The following ADGRV1 variants were observed in gnomAD, a reference collection of about 807,000 sequenced individuals.
ADGRV1 encodes adhesion G protein-coupled receptor V1.
In ADGRV1, 359 loss-of-function variants were observed where a neutral mutation model predicts 596.2. That is an observed-to-expected ratio of 0.60 (90% CI 0.55 to 0.66). The LOEUF is 0.66. ADGRV1 is among the 30% of genes least tolerant of loss of function. The pLI is 0.00. For missense variants in ADGRV1, 7,274 were observed against 7,575.6 expected (o/e 0.96, Z 1.48); for synonymous variants, 2,681 against 2,679.2 (o/e 1.00, Z -0.02).
intron 87 of ADGRV1, among the ~76,000 whole-genome samples, chr5:91,107,352 C>T (rs1229601629): frequency 6.6e-6 from 1 of 152,080 alleles, no homozygotes; most frequent in Non-Finnish European, 1.5e-5. Flanking sequence ...ATGGCAAGAT[C>T]ATGGACGAGG....
intron 21 of ADGRV1, among the ~76,000 whole-genome samples, chr5:90,662,457 T>G (rs573553898): frequency 6.6e-6 from 1 of 152,232 alleles, no homozygotes; most frequent in African/African-American, 2.4e-5. Flanking sequence ...CCTCCCAAAG[T>G]GCTGGGATTA....
chr5:90,807,575 A>AC (rs776866237), intron 72 of ADGRV1, 27 bp from the exon 73 acceptor site: 2 of 1,597,714 alleles, frequency 1.3e-6, no homozygotes, highest in South Asian at 2.2e-5. Flanking sequence ...ATAATACCCT[A>AC]CTTTGCTTTT....
chr5:90,922,789 T>TA (rs1369111394), intron 83 of ADGRV1, among the ~76,000 whole-genome samples: 1 of 152,202 alleles, frequency 6.6e-6, no homozygotes, highest in African/African-American at 2.4e-5. Flanking sequence ...TGTAACTAGT[T>TA]CCCATACGAT....
chr5:91,047,128 G>A (rs1010383988), intron 85 of ADGRV1, among the ~76,000 whole-genome samples: 4 of 152,158 alleles, frequency 2.6e-5, no homozygotes, highest in Admixed American at 1.3e-4. Context: ...GAATAAAATA[G>A]TACTGATCTG....
chr5:90,735,150 A>G (rs1753058694), intron 50 of ADGRV1, among the ~76,000 whole-genome samples: 1 of 152,220 alleles, frequency 6.6e-6, no homozygotes, highest in South Asian at 2.1e-4. Flanking sequence ...TGAGTAGTTT[A>G]TAACTTAAGG....
intron 87 of ADGRV1, among the ~76,000 whole-genome samples, chr5:91,103,525 C>T (rs143089817): frequency 0.019 from 2,952 of 151,684 alleles, 45 homozygotes; most frequent in Non-Finnish European, 0.029. Flanking sequence ...ACCTTTAGAT[C>T]CCTAGGGCCT....
At chr5:91,042,626 G>A (rs1390378638) in intron 85 of ADGRV1, among the ~76,000 whole-genome samples, 7 of 152,172 alleles carry the variant, frequency 4.6e-5, no homozygotes, top group Non-Finnish European at 1.5e-5. Context: ...ATGGTGGTTT[G>A]CTGCACCCAT....
In ADGRV1 at chr5:90,704,449, G is replaced by C. The variant is rs2149687811; in HGVS notation, c.8347G>C (p.Glu2783Gln). ...GGATGACAACATTCCTGAGGAGAAA[G>C]AAGTATACCAAGTCATTCTGTATGA... ...LLDDNIPEEK[E>Q]VYQVILYDVR... is the part of the protein sequence containing the mutation. The change falls in exon 36 of 90, where the codon GAA becomes CAA. Residue 2783 changes from glutamate (E) to glutamine (Q), a missense_variant. Around this residue, in one of 5 missense-constraint regions of ADGRV1, gnomAD observed 3,643 missense variants for 3,809.2 expected, o/e 0.96. Coordinates refer to ENST00000405460, the MANE Select transcript of ADGRV1 (RefSeq NM_032119.4). 1.3e-6 allele frequency: 2 copies of C among 1,580,418 alleles called. No homozygotes were observed. Among genetic ancestry groups the C allele is most frequent in the Non-Finnish European group, 1.7e-6 (2 of 1,161,334 alleles).
At chr5:90,641,783 G>A (rs1029188349) in intron 11 of ADGRV1, among the ~76,000 whole-genome samples, 1 of 152,270 alleles carries the variant, frequency 6.6e-6, no homozygotes, top group East Asian at 1.9e-4. Context: ...ATTTCGCAAG[G>A]TTTAGAGCAG....
chr5:90,820,003 G>A (rs867790635), intron 75 of ADGRV1, among the ~76,000 whole-genome samples: 232 of 150,474 alleles, frequency 1.5e-3, no homozygotes, highest in Middle Eastern at 0.014. Context: ...TCTGTCTAAT[G>A]TTGACAGTGG....
chr5:90,794,639 C>T (rs577572695), intron 70 of ADGRV1, among the ~76,000 whole-genome samples: 3 of 152,094 alleles, frequency 2.0e-5, no homozygotes, highest in Non-Finnish European at 4.4e-5. Context: ...TACCATAAAT[C>T]GTTTCTGTTT....
chr5:90,980,566 T>C (rs1779997535), intron 84 of ADGRV1, among the ~76,000 whole-genome samples: 1 of 152,198 alleles, frequency 6.6e-6, no homozygotes, highest in South Asian at 2.1e-4. Context: ...TAACAACATT[T>C]TAAAAGCTTA....
intron 43 of ADGRV1, chr5:90,717,601 T>C (rs1016900497): frequency 1.3e-5 from 2 of 152,184 alleles, no homozygotes; most frequent in African/African-American, 2.4e-5. Context: ...GTTCATGCCA[T>C]TCTCCTGCCT....
intron 19 of ADGRV1, 95 bp from the exon 20 acceptor site, chr5:90,653,114 A>G: frequency 8.4e-7 from 1 of 1,195,126 alleles, no homozygotes; most frequent in Non-Finnish European, 1.2e-6. Flanking sequence ...TTATTTAACC[A>G]GAAGTTTGTC....
chr5:90,629,164 C>A, intron 8 of ADGRV1, 46 bp from the exon 9 acceptor site: 1 of 1,075,250 alleles, frequency 9.3e-7, no homozygotes, highest in Non-Finnish European at 1.3e-6. Context: ...TTGATCATCT[C>A]AGATGCGAGA....
Position 90,804,518 on chromosome 5 carries a change from ACC to A in ADGRV1, c.14662-764_14662-763del, listed in dbSNP as rs1231969208. On this transcript the variant is annotated intron_variant, in intron 71 of 89. Transcript: ENST00000405460. ...GTGGCTCCAGAAGTTATCCTGCGGA[ACC>A]CTCTCATGTTTTTCTGTTATTCTTC... Among the ~76,000 whole-genome samples, 5 of 152,144 alleles carry A rather than the reference ACC, an allele frequency of 3.3e-5. No homozygotes were observed. In the East Asian group the frequency reaches 9.6e-4, roughly 29 times the overall value.
chr5:91,061,597 C>T (rs1016103082), intron 85 of ADGRV1, among the ~76,000 whole-genome samples: 5 of 152,124 alleles, frequency 3.3e-5, no homozygotes, highest in Admixed American at 6.5e-5. Context: ...AAATCAAATA[C>T]CTGCTCTTTT....
At chr5:90,670,063 T>A (rs532393477) in intron 21 of ADGRV1, among the ~76,000 whole-genome samples, 3 of 152,344 alleles carry the variant, frequency 2.0e-5, no homozygotes, top group African/African-American at 4.8e-5. Flanking sequence ...ACTTCCAAAT[T>A]TATGATGTCA....
intron 87 of ADGRV1, among the ~76,000 whole-genome samples, chr5:91,136,998 G>A (rs960562094): frequency 6.6e-5 from 10 of 152,220 alleles, no homozygotes; most frequent in Middle Eastern, 3.4e-3. Context: ...GAAATGCTCT[G>A]TTTAAAAATG....
Sources: gnomAD v4.1 joint callset for allele counts (sites outside exome capture counted in the v4.1 genomes callset) on GRCh38, gnomAD v4.1.1 for gene constraint, gnomAD v4.1.1 regional missense constraint, MANE v1.5 for transcripts, NCBI Gene and HGNC (gene_info 2026-07-23, HGNC 2026-07-21) for gene names.